The following MKLN1 variants were observed in gnomAD, a reference collection of about 807,000 sequenced individuals.
MKLN1 encodes the protein muskelin.
MKLN1 carries 18 observed loss-of-function variants against 99.0 expected under a neutral mutation model. The observed-to-expected ratio is 0.18, with a 90% CI of 0.13 to 0.27. MKLN1 has a LOEUF of 0.27. MKLN1 is among the 10% of genes least tolerant of loss of function. The pLI is 1.00. For missense variants in MKLN1, 621 were observed against 875.9 expected (o/e 0.71, Z 3.67); for synonymous variants, 288 against 293.2 (o/e 0.98, Z 0.18).
chr7:131,178,146 C>T (rs976539751), intron 2 of MKLN1, among the ~76,000 whole-genome samples: 10 of 152,106 alleles, frequency 6.6e-5, no homozygotes, highest in South Asian at 6.2e-4. Context: ...GACGGAGTTT[C>T]GCTTTTGTCA....
At chr7:131,484,891 A>G (rs1797231080) in intron 17 of MKLN1, among the ~76,000 whole-genome samples, 1 of 152,092 alleles carries the variant, frequency 6.6e-6, no homozygotes, top group African/African-American at 2.4e-5. Context: ...GAAAGGAGAT[A>G]TGGAATGGAA....
At chr7:131,148,800 T>C (rs1369253091) in intron 2 of MKLN1, among the ~76,000 whole-genome samples, 4 of 151,958 alleles carry the variant, frequency 2.6e-5, no homozygotes, top group Non-Finnish European at 5.9e-5. Context: ...AAAAGAAAAA[T>C]AGTTCAATCT....
At chr7:131,302,248 G>A (rs966013) in intron 3 of MKLN1, among the ~76,000 whole-genome samples, 122,882 of 152,186 alleles carry the variant, frequency 0.81, 49,742 homozygotes, top group African/African-American at 0.86. Flanking sequence ...CCAGGTGTAC[G>A]CCCAGCCCCT....
At chr7:131,114,965 A>G (rs1193546088) in intron 1 of MKLN1, among the ~76,000 whole-genome samples, 1 of 152,114 alleles carries the variant, frequency 6.6e-6, no homozygotes, top group African/African-American at 2.4e-5. Context: ...AAGCAAAGAA[A>G]AAGAGGACTG....
intron 1 of MKLN1, among the ~76,000 whole-genome samples, chr7:131,131,717 G>A (rs1045225703): frequency 1.3e-5 from 2 of 152,118 alleles, no homozygotes; most frequent in African/African-American, 4.8e-5. Context: ...CTCCTGTTAT[G>A]CTCAAATTTT....
chr7:131,138,348 T>C (rs1795682785), intron 1 of MKLN1, among the ~76,000 whole-genome samples: 1 of 152,248 alleles, frequency 6.6e-6, no homozygotes, highest in Admixed American at 6.5e-5. Flanking sequence ...CATTTCATTA[T>C]TCACGGTTTT....
intron 2 of MKLN1, among the ~76,000 whole-genome samples, chr7:131,144,375 G>T (rs536614889): frequency 6.6e-6 from 1 of 151,408 alleles, no homozygotes; most frequent in South Asian, 2.1e-4. Context: ...CCAGCTACTC[G>T]GGAGGCCAAG....
In MKLN1 at chr7:131,410,084, A is replaced by G. The variant is rs537166452; in HGVS notation, c.704-1222A>G. 2.0e-5 allele frequency among the ~76,000 whole-genome samples: 3 copies of G among 152,248 alleles called. No individual in the cohort carries two copies. In the East Asian group the frequency reaches 5.8e-4, roughly 29 times the overall value. ...TTGGGTTCCATACTGTTCTTAAACTAATCTTTGTTGAGGGCCATGGGAGTA... is the reference window on the plus strand; with the variant it reads ...TTGGGTTCCATACTGTTCTTAAACTGATCTTTGTTGAGGGCCATGGGAGTA... On this transcript the variant is annotated intron_variant, in intron 6 of 17. Transcript: ENST00000352689.
intron 8 of MKLN1, among the ~76,000 whole-genome samples, chr7:131,414,999 A>T (rs1285308895): frequency 6.6e-6 from 1 of 152,158 alleles, no homozygotes; most frequent in Non-Finnish European, 1.5e-5. Context: ...GAACTAAGAT[A>T]TATTTTTAGA....
upstream of MKLN1, chr7:131,324,275 C>G (rs1798841003): frequency 6.6e-6 from 1 of 152,202 alleles, no homozygotes; most frequent in Admixed American, 6.5e-5. Flanking sequence ...GTAGGAGGTC[C>G]AAATTCCGGA....
At chr7:131,453,105 C>G (rs1796231888) in intron 12 of MKLN1, among the ~76,000 whole-genome samples, 1 of 152,186 alleles carries the variant, frequency 6.6e-6, no homozygotes, top group South Asian at 2.1e-4. Context: ...TGATTTCCCC[C>G]TTCTACCCTC....
At chr7:131,199,024 C>T (rs6977998) in intron 2 of MKLN1, among the ~76,000 whole-genome samples, 59,790 of 151,708 alleles carry the variant, frequency 0.39, 12,479 homozygotes, top group South Asian at 0.59. Flanking sequence ...AGGAGGGGAA[C>T]TAATTAGAAT....
intron 1 of MKLN1, among the ~76,000 whole-genome samples, chr7:131,345,599 A>G (rs571782170): frequency 3.9e-5 from 6 of 152,240 alleles, no homozygotes; most frequent in Non-Finnish European, 5.9e-5. Context: ...CTGTAGTTCT[A>G]GCTACTTGAG....
chr7:131,362,078 A>AT (rs199652967), intron 1 of MKLN1, among the ~76,000 whole-genome samples: 3 of 151,950 alleles, frequency 2.0e-5, no homozygotes, highest in Admixed American at 1.3e-4. Context: ...CTAGGCTCAC[A>AT]TTTTTTGTAC....
rs559693860 is a variant in MKLN1 at position 131,133,008 on chromosome 7, T to C, written c.-418-9812T>C. Among the ~76,000 whole-genome samples the C allele has an allele frequency of 9.0e-4, 135 of 149,856 alleles. 1 individual carries two copies. The highest frequency in any genetic ancestry group is 3.2e-3 in the African/African-American group (132 of 40,792). On this transcript the variant is annotated intron_variant, in intron 1 of 7. Coordinates refer to the MKLN1 transcript ENST00000416992. The stretch of plus-strand genomic sequence containing the variant: ...AACCAGAGCATGACTGTGCCTTGCA[T>C]ATATTTTTAGGCCCTGAAGTACCAA...
intron 1 of MKLN1, among the ~76,000 whole-genome samples, chr7:131,344,001 C>T (rs1012488539): frequency 1.3e-5 from 2 of 151,930 alleles, no homozygotes; most frequent in Non-Finnish European, 2.9e-5. Flanking sequence ...GCTTCAGATA[C>T]AATGGCATGT....
At chr7:131,335,289 A>G (rs1172677283) in intron 1 of MKLN1, among the ~76,000 whole-genome samples, 2 of 152,306 alleles carry the variant, frequency 1.3e-5, no homozygotes, top group East Asian at 3.9e-4. Context: ...AATACTGTGT[A>G]TGTATATTTA....
In MKLN1 at chr7:131,417,533, C is replaced by T. The variant is rs931558975; in HGVS notation, c.847+2823C>T. 3.3e-5 allele frequency among the ~76,000 whole-genome samples: 5 copies of T among 152,292 alleles called. No individual in the cohort carries two copies. The East Asian group carries it at 5.8e-4, about 18-fold the overall frequency. On this transcript the variant is annotated intron_variant, in intron 8 of 17. Transcript: ENST00000352689. ...ACCATTGCCACATATAGTGTGGAAA[C>T]AGTACTAACTATACGTGGACATTGA...
intron 3 of MKLN1, among the ~76,000 whole-genome samples, chr7:131,233,373 A>AAAT (rs1797271193): frequency 5.6e-5 from 8 of 142,448 alleles, no homozygotes; most frequent in African/African-American, 1.8e-4. Flanking sequence ...CTGTCTCCAA[A>AAAT]AAATAAATAA....
Sources: allele counts gnomAD v4.1 joint callset (sites outside exome capture counted in the v4.1 genomes callset), GRCh38; gene constraint gnomAD v4.1.1; transcripts MANE v1.5; gene names NCBI Gene and HGNC (gene_info 2026-07-23, HGNC 2026-07-21).